The following TPST1 variants were observed in gnomAD, a reference collection of about 807,000 sequenced individuals.
TPST1 encodes tyrosylprotein sulfotransferase 1, also known as protein-tyrosine sulfotransferase 1.
TPST1 carries 20 observed loss-of-function variants against 34.8 expected under a neutral mutation model. The observed-to-expected ratio is 0.57, with a 90% CI of 0.40 to 0.84. TPST1 has a LOEUF of 0.84. Among genes scored for constraint, TPST1 ranks in the 40% least tolerant of loss-of-function variants. The probability of loss-of-function intolerance (pLI) is 0.00; values close to 1 mark genes in which losing one functional copy is unlikely to be tolerated. For missense variants in TPST1, 353 were observed against 455.5 expected (o/e 0.78, Z 2.05); for synonymous variants, 152 against 159.4 (o/e 0.95, Z 0.35).
chr7:66,234,862 G>C (rs1291646272), intron 1 of TPST1, among the ~76,000 whole-genome samples: 2 of 151,940 alleles, frequency 1.3e-5, no homozygotes, highest in African/African-American at 4.8e-5. Flanking sequence ...ATTTTTAGTA[G>C]AGATGGGGTT....
At chr7:66,254,267 G>A (rs983495914) in intron 2 of TPST1, among the ~76,000 whole-genome samples, 7 of 152,060 alleles carry the variant, frequency 4.6e-5, no homozygotes, top group East Asian at 1.9e-4. Context: ...TATTTAGGTC[G>A]TCTACAATAT....
intron 2 of TPST1, among the ~76,000 whole-genome samples, chr7:66,246,368 G>A (rs974488870): frequency 6.6e-6 from 1 of 151,666 alleles, no homozygotes; most frequent in East Asian, 1.9e-4. Flanking sequence ...AAGTGACTGA[G>A]ACATCTTAGC....
chr7:66,313,441 TAAAC>T (rs1014148950), intron 3 of TPST1, among the ~76,000 whole-genome samples: 3 of 151,974 alleles, frequency 2.0e-5, no homozygotes, highest in African/African-American at 7.2e-5. Context: ...TAAAATAAAA[TAAAC>T]AAATTATGCT....
chr7:66,271,467 G>A (rs1166982357), intron 2 of TPST1, among the ~76,000 whole-genome samples: 4 of 152,272 alleles, frequency 2.6e-5, no homozygotes, highest in East Asian at 3.9e-4. Flanking sequence ...GTGAGCCACC[G>A]TGCCTGGCTT....
chr7:66,235,271 C>T (rs896749375), intron 1 of TPST1, among the ~76,000 whole-genome samples: 5 of 151,148 alleles, frequency 3.3e-5, no homozygotes, highest in South Asian at 2.1e-4. Context: ...CTGCAAGCTC[C>T]GCCTCCCGGG....
intron 3 of TPST1, among the ~76,000 whole-genome samples, chr7:66,346,587 T>TA: frequency 6.6e-6 from 1 of 152,318 alleles, no homozygotes; most frequent in East Asian, 1.9e-4. Context: ...CATGACGTAA[T>TA]ATTGAGTACC....
intron 1 of TPST1, among the ~76,000 whole-genome samples, chr7:66,232,587 G>C (rs1683488369): frequency 6.6e-6 from 1 of 152,090 alleles, no homozygotes; most frequent in Non-Finnish European, 1.5e-5. Context: ...TCGATCTCCT[G>C]ACCTTGTGAT....
chr7:66,248,426 A>G (rs904673390), intron 2 of TPST1, among the ~76,000 whole-genome samples: 6 of 151,546 alleles, frequency 4.0e-5, no homozygotes, highest in African/African-American at 1.2e-4. Context: ...AAAGAAAAAC[A>G]TTGATTGTAA....
chr7:66,254,002 C>CAAAAAAAAA (rs60795420), intron 2 of TPST1, among the ~76,000 whole-genome samples: 1 of 113,570 alleles, frequency 8.8e-6, no homozygotes, highest in African/African-American at 3.2e-5. Flanking sequence ...GACTCTGTTT[C>CAAAAAAAAA]AAAAAAAAAA....
intron 1 of TPST1, among the ~76,000 whole-genome samples, chr7:66,232,498 G>A (rs1242329855): frequency 1.3e-5 from 2 of 151,748 alleles, no homozygotes; most frequent in East Asian, 1.9e-4. Context: ...TCAGCCTCCC[G>A]AGTAGCTGGG....
intron 3 of TPST1, among the ~76,000 whole-genome samples, chr7:66,316,565 A>G (rs1056682153): frequency 6.6e-6 from 1 of 152,186 alleles, no homozygotes; most frequent in African/African-American, 2.4e-5. Context: ...ATTTCTCTCT[A>G]AAGTTGTCAA....
intron 4 of TPST1, 22 bp downstream of exon 4, chr7:66,352,577 C>T (rs374302654): frequency 1.2e-6 from 2 of 1,611,910 alleles, no homozygotes; most frequent in South Asian, 1.1e-5. Flanking sequence ...GCTTTTTCCT[C>T]CTGATGTATA....
intron 2 of TPST1, among the ~76,000 whole-genome samples, chr7:66,285,229 G>GTTC (rs1791011906): frequency 6.6e-6 from 1 of 152,128 alleles, no homozygotes; most frequent in Non-Finnish European, 1.5e-5. Flanking sequence ...ACACTGATGG[G>GTTC]AGTGAATGGC....
At chr7:66,285,389 G>A (rs1791015003) in intron 2 of TPST1, among the ~76,000 whole-genome samples, 1 of 152,178 alleles carries the variant, frequency 6.6e-6, no homozygotes, top group South Asian at 2.1e-4. Context: ...ATAGAGTGAA[G>A]GGAGCAGTGG....
chr7:66,285,176 C>T lies in TPST1; in HGVS notation c.846-1335C>T, dbSNP rs146805506. 2.1e-3 allele frequency among the ~76,000 whole-genome samples: 315 copies of T among 152,214 alleles called. 1 individual carries two copies. Among genetic ancestry groups the T allele is most frequent in the African/African-American group, 7.1e-3 (294 of 41,546 alleles). ...TTTTTTGGATTTTAGAAAAGTAATA[C>T]AGTTTATGCAATACATATATAACAT... is the stretch of plus-strand genomic sequence containing the variant. On this transcript the variant is annotated intron_variant, in intron 2 of 5. Coordinates refer to ENST00000304842, the MANE Select transcript of TPST1 (RefSeq NM_003596.4).
intron 2 of TPST1, among the ~76,000 whole-genome samples, chr7:66,284,307 A>G (rs1206696581): frequency 6.6e-6 from 1 of 152,112 alleles, no homozygotes; most frequent in African/African-American, 2.4e-5. Flanking sequence ...ATTCCAGTCA[A>G]TTCAGATTTT....
chr7:66,222,783 G>A (rs1013502376), intron 1 of TPST1, among the ~76,000 whole-genome samples: 10 of 152,290 alleles, frequency 6.6e-5, no homozygotes, highest in African/African-American at 2.2e-4. Flanking sequence ...GCAGGAGACA[G>A]TGAAGGAAGG....
At chr7:66,206,916 A>G (rs1333731521) in intron 1 of TPST1, among the ~76,000 whole-genome samples, 1 of 152,156 alleles carries the variant, frequency 6.6e-6, no homozygotes, top group Non-Finnish European at 1.5e-5. Flanking sequence ...GTGAGAGAGG[A>G]ATTATCCACC....
chr7:66,351,418 A>T (rs1244608407), intron 3 of TPST1, among the ~76,000 whole-genome samples: 1 of 152,112 alleles, frequency 6.6e-6, no homozygotes, highest in Non-Finnish European at 1.5e-5. Context: ...TGGACCTGTC[A>T]TTCTGTTTCA....
Sources: gnomAD v4.1 joint callset for allele counts (sites outside exome capture counted in the v4.1 genomes callset) on GRCh38, gnomAD v4.1.1 for gene constraint, MANE v1.5 for transcripts, NCBI Gene and HGNC (gene_info 2026-07-23, HGNC 2026-07-21) for gene names.